ZNF469: variants seen among roughly 807,000 people sequenced by gnomAD.
ZNF469 encodes zinc finger protein 469.
In ZNF469, 1 loss-of-function variant was observed where a neutral mutation model predicts 1.0. The ratio of observed to expected loss-of-function variants is 1.00; its 90% confidence interval spans 0.35 to 4.73. ZNF469 has a LOEUF of 4.73. Among genes scored for constraint, ZNF469 ranks in the 30% most tolerant of loss-of-function variants. The probability of loss-of-function intolerance (pLI) is 0.16; values close to 1 mark genes in which losing one functional copy is unlikely to be tolerated. For synonymous variants in ZNF469, 2,703 were observed against 2,363.4 expected (o/e 1.14, Z -4.17); for missense variants, 6,100 against 5,356.3 (o/e 1.14, Z -4.33).
At chr16:88,334,387 T>A in the ZNF469 span, among the ~76,000 whole-genome samples, 1 of 152,174 alleles carries the variant, frequency 6.6e-6, no homozygotes, top group Non-Finnish European at 1.5e-5. Flanking sequence ...TTTGGGAATG[T>A]TTGCCTTACG....
At chr16:88,195,727 C>G in the ZNF469 span, among the ~76,000 whole-genome samples, 1 of 152,306 alleles carries the variant, frequency 6.6e-6, no homozygotes, top group South Asian at 2.1e-4. Flanking sequence ...CGGGGTGTCC[C>G]GAGATGCAAA....
At chr16:88,348,906 T>C in the ZNF469 span, among the ~76,000 whole-genome samples, 1 of 152,094 alleles carries the variant, frequency 6.6e-6, no homozygotes, top group African/African-American at 2.4e-5. Flanking sequence ...TGCGTGTGTG[T>C]GGTGCACACA....
At chr16:88,104,191 C>T in the ZNF469 span, among the ~76,000 whole-genome samples, 2 of 150,138 alleles carry the variant, frequency 1.3e-5, no homozygotes, top group Non-Finnish European at 2.9e-5. Context: ...AGCTTCCGGG[C>T]CTTGCCTGCA....
At chr16:88,226,011 G>A in the ZNF469 span, among the ~76,000 whole-genome samples, 1 of 152,090 alleles carries the variant, frequency 6.6e-6, no homozygotes, top group Non-Finnish European at 1.5e-5. Context: ...TGTAGCCCCA[G>A]GATGGTCGCC....
At chr16:88,171,074 T>G in the ZNF469 span, among the ~76,000 whole-genome samples, 1 of 152,122 alleles carries the variant, frequency 6.6e-6, no homozygotes, top group South Asian at 2.1e-4. Context: ...TTATCTAAAT[T>G]TAAGAGAGAA....
chr16:88,438,936 C>T lies in ZNF469; in HGVS notation c.11466C>T (p.Val3822=), dbSNP rs1345307424. The change falls in exon 3 of 3, where the codon GTC becomes GTT. Residue 3822 remains valine (V), a synonymous_variant. Transcript: ENST00000565624. The stretch of plus-strand genomic sequence containing the variant: ...GTACGAAGAGGAAAAAGGGCCAGGT[C>T]CCAGGGCCAGCCAGGAGTGAAAGTG... ...ESSTKRKKGQ[V]PGPARSESVG... is the part of the protein sequence containing the mutation. The T allele has an allele frequency of 6.4e-7, 1 of 1,550,446 alleles. No homozygotes were observed. Among genetic ancestry groups the T allele is most frequent in the Non-Finnish European group, 8.7e-7 (1 of 1,146,988 alleles).
At chr16:88,348,224 C>A in the ZNF469 span, among the ~76,000 whole-genome samples, 2 of 152,218 alleles carry the variant, frequency 1.3e-5, no homozygotes, top group African/African-American at 4.8e-5. Context: ...GGCCGCCTTC[C>A]TGCCTCTTCT....
chr16:88,437,962 C>T lies in ZNF469; in HGVS notation c.10492C>T (p.Pro3498Ser). The T allele has an allele frequency of 6.5e-7, 1 of 1,546,550 alleles. No individual in the cohort carries two copies. The highest frequency in any genetic ancestry group is 8.7e-7 in the Non-Finnish European group (1 of 1,146,330). Reference protein sequence around the residue: ...EDRPPPRGSSPILSEGSLPAL... With the variant: ...EDRPPPRGSSSILSEGSLPAL... ...CAGGCCTCCTCCCCGGGGAAGCAGC[C>T]CCATCCTGAGTGAGGGCTCTCTCCC... The change falls in exon 3 of 3, where the codon CCC (proline) becomes TCC (serine). Residue 3498 changes from proline to serine, a missense_variant. Transcript: ENST00000565624.
chr16:88,126,742 C>T, the ZNF469 span, among the ~76,000 whole-genome samples: 4 of 151,994 alleles, frequency 2.6e-5, no homozygotes, highest in Admixed American at 6.5e-5. Flanking sequence ...CAACGTCTGT[C>T]CCCCGGGTTC....
the ZNF469 span, among the ~76,000 whole-genome samples, chr16:88,144,224 G>A: frequency 1.3e-5 from 2 of 152,362 alleles, no homozygotes; most frequent in African/African-American, 2.4e-5. Flanking sequence ...GGAGGGCGGG[G>A]GGCGTCTCTC....
the ZNF469 span, among the ~76,000 whole-genome samples, chr16:88,222,495 C>T: frequency 1.3e-5 from 2 of 152,194 alleles, no homozygotes; most frequent in East Asian, 1.9e-4. Context: ...CGGTGGCTCA[C>T]GCCTGTAATC....
chr16:88,256,934 CTTTCTTTCTTTCTTTCT>C, the ZNF469 span, among the ~76,000 whole-genome samples: 5,441 of 14,518 alleles, frequency 0.37, 347 homozygotes, highest in Middle Eastern at 0.55. Context: ...TTCTTTCTTT[CTTTCTTTCTTTCTTTCT>C]TTTCTTTTCT....
chr16:88,281,911 G>A, the ZNF469 span, among the ~76,000 whole-genome samples: 2 of 152,242 alleles, frequency 1.3e-5, no homozygotes, highest in Non-Finnish European at 2.9e-5. Flanking sequence ...GGTCAGTAGT[G>A]TCTGGATATT....
the ZNF469 span, among the ~76,000 whole-genome samples, chr16:88,375,825 G>T: frequency 5.9e-5 from 9 of 152,334 alleles, no homozygotes; most frequent in South Asian, 1.7e-3. Flanking sequence ...TCACCCCTTG[G>T]GAAATCAGAA....
chr16:88,212,727 C>T, the ZNF469 span, among the ~76,000 whole-genome samples: 2 of 152,184 alleles, frequency 1.3e-5, no homozygotes, highest in Non-Finnish European at 2.9e-5. Context: ...ACTAAAGGCA[C>T]ACACCACAAC....
chr16:88,224,942 G>A, the ZNF469 span, among the ~76,000 whole-genome samples: 12 of 152,208 alleles, frequency 7.9e-5, no homozygotes, highest in Non-Finnish European at 1.3e-4. Context: ...CTGGGCTCAC[G>A]TGGCTCAGCC....
chr16:88,292,477 T>C, the ZNF469 span, among the ~76,000 whole-genome samples: 188 of 152,146 alleles, frequency 1.2e-3, 1 homozygote, highest in African/African-American at 4.4e-3. Context: ...CCCAGTGGGG[T>C]CCGGGGACCA....
At chr16:88,103,802 G>C in the ZNF469 span, among the ~76,000 whole-genome samples, 1 of 148,854 alleles carries the variant, frequency 6.7e-6, no homozygotes, top group Admixed American at 6.6e-5. Context: ...GGGTTGGTGG[G>C]ATAATCCTCC....
chr16:88,121,024 A>C, the ZNF469 span, among the ~76,000 whole-genome samples: 1 of 151,526 alleles, frequency 6.6e-6, no homozygotes. Flanking sequence ...CTGGGATGGC[A>C]CGAGGCACCC....
Sources: allele counts gnomAD v4.1 joint callset (sites outside exome capture counted in the v4.1 genomes callset), GRCh38; gene constraint gnomAD v4.1.1; transcripts MANE v1.5; gene names NCBI Gene and HGNC (gene_info 2026-07-23, HGNC 2026-07-21).